CNTNAP5: variants seen among roughly 807,000 people sequenced by gnomAD.
CNTNAP5 encodes contactin-associated protein-like 5.
Under a neutral mutation model 150.2 loss-of-function variants are expected in CNTNAP5, and 72 were observed. The ratio of observed to expected loss-of-function variants is 0.48; its 90% CI spans 0.40 to 0.58. The LOEUF (loss-of-function observed/expected upper bound fraction) is 0.58. Among genes scored for constraint, CNTNAP5 ranks in the 20% least tolerant of loss-of-function variants. CNTNAP5 has a pLI of 0.00. For synonymous variants in CNTNAP5, 672 were observed against 619.8 expected, an observed-to-expected ratio of 1.08 and a Z score of -1.25; for missense variants, 1,636 against 1,626.2, an observed-to-expected ratio of 1.01 and a Z score of -0.10.
intron 10 of CNTNAP5, among the ~76,000 whole-genome samples, chr2:124,534,964 C>G (rs1695195181): frequency 6.6e-6 from 1 of 152,196 alleles, no homozygotes; most frequent in African/African-American, 2.4e-5. Context: ...AAGACAGTCA[C>G]TCTGGTTCAA....
At chr2:124,326,879 A>C (rs979674321) in intron 3 of CNTNAP5, among the ~76,000 whole-genome samples, 1 of 151,530 alleles carries the variant, frequency 6.6e-6, no homozygotes, top group African/African-American at 2.4e-5. Flanking sequence ...TGAGGTGAGG[A>C]GATCACTTGA....
intron 12 of CNTNAP5, among the ~76,000 whole-genome samples, chr2:124,616,138 A>T (rs1280383226): frequency 6.6e-6 from 1 of 152,162 alleles, no homozygotes; most frequent in Non-Finnish European, 1.5e-5. Flanking sequence ...CACTTGCATT[A>T]GTCCCTACCA....
rs547387442 is a variant in CNTNAP5, at chr2:124,213,005, A to AT, written c.83-8694dup. On this transcript the variant is annotated intron_variant, in intron 1 of 23. Coordinates refer to ENST00000682447, the MANE Select transcript of CNTNAP5 (RefSeq NM_001367498.1). ...AGGCGCCTGGCACCACGCCCGGCTAATTTTTTGTATTTTTAGTAGAGACCG... is the reference window on the plus strand; with the variant it reads ...AGGCGCCTGGCACCACGCCCGGCTAATTTTTTTGTATTTTTAGTAGAGACCG... Among the ~76,000 whole-genome samples the AT allele has an allele frequency of 7.9e-5, 12 of 151,656 alleles. No homozygotes were observed. The East Asian group carries it at 2.3e-3, about 30-fold the overall frequency.
At chr2:124,619,907 TCATATATATATATATATA>T (rs1558706994) in intron 12 of CNTNAP5, among the ~76,000 whole-genome samples, 1 of 70,636 alleles carries the variant, frequency 1.4e-5, no homozygotes, top group Non-Finnish European at 2.5e-5. Context: ...ACTGTCTCAT[TCATATATATATATATATA>T]TATATATATA....
chr2:124,690,772 G>A (rs1223582752), intron 13 of CNTNAP5, among the ~76,000 whole-genome samples: 1 of 151,914 alleles, frequency 6.6e-6, no homozygotes, highest in Admixed American at 6.6e-5. Flanking sequence ...TTCTAATATG[G>A]TCTCCTCCTC....
intron 1 of CNTNAP5, among the ~76,000 whole-genome samples, chr2:124,156,439 T>C (rs556838837): frequency 2.2e-4 from 33 of 152,290 alleles, no homozygotes; most frequent in African/African-American, 6.3e-4. Context: ...ATAGCATGAG[T>C]GAATTCCTGT....
chr2:124,552,638 T>C (rs1450743853), intron 10 of CNTNAP5, among the ~76,000 whole-genome samples: 1 of 152,228 alleles, frequency 6.6e-6, no homozygotes, highest in African/African-American at 2.4e-5. Context: ...TATGTATGTG[T>C]GAGTATATCT....
At chr2:124,230,510 GTGTA>G (rs372620879) in intron 2 of CNTNAP5, among the ~76,000 whole-genome samples, 7 of 150,056 alleles carry the variant, frequency 4.7e-5, no homozygotes, top group Admixed American at 2.0e-4. Context: ...GTGTGTGTGT[GTGTA>G]TATATATATA....
chr2:124,859,182 A>T lies in CNTNAP5; in HGVS notation c.3218-6124A>T, dbSNP rs1206204860. Among the ~76,000 whole-genome samples the T allele has an allele frequency of 1.1e-4, 17 of 152,266 alleles. No homozygotes were observed. In the East Asian group the frequency reaches 3.3e-3, roughly 29 times the overall value. ...CATCTGACAAAGGGCTAATATCCAG[A>T]ATCTACAATGAACTCAAACAAATTT... On this transcript the variant is annotated intron_variant, in intron 19 of 23. Transcript: ENST00000682447.
At chr2:124,314,373 G>A (rs1015960523) in intron 3 of CNTNAP5, among the ~76,000 whole-genome samples, 2 of 152,134 alleles carry the variant, frequency 1.3e-5, no homozygotes, top group Non-Finnish European at 2.9e-5. Flanking sequence ...GATTTGCAGC[G>A]ACTCATTTGA....
chr2:124,665,800 G>T (rs963969158), intron 13 of CNTNAP5, among the ~76,000 whole-genome samples: 2 of 151,938 alleles, frequency 1.3e-5, no homozygotes, highest in Admixed American at 6.5e-5. Context: ...GCAGGAGAAT[G>T]GCGGGAACCC....
intron 3 of CNTNAP5, among the ~76,000 whole-genome samples, chr2:124,417,126 G>C (rs1681168336): frequency 6.6e-6 from 1 of 151,640 alleles, no homozygotes; most frequent in Non-Finnish European, 1.5e-5. Context: ...TTTTAGTAGA[G>C]ACAGTGTTTC....
At chr2:124,777,775 ATG>A (rs35863925) in intron 17 of CNTNAP5, among the ~76,000 whole-genome samples, 25,470 of 130,234 alleles carry the variant, frequency 0.2, 2,149 homozygotes, top group Middle Eastern at 0.22. Flanking sequence ...GAATGGAGGG[ATG>A]TGTGTGTGTG....
intron 1 of CNTNAP5, among the ~76,000 whole-genome samples, chr2:124,048,650 A>G (rs12052732): frequency 0.16 from 24,986 of 152,156 alleles, 2,393 homozygotes; most frequent in African/African-American, 0.26. Flanking sequence ...AAGATTAATG[A>G]GTATCTTTTT....
At chr2:124,764,503 A>T (rs886639743) in intron 16 of CNTNAP5, among the ~76,000 whole-genome samples, 1 of 152,152 alleles carries the variant, frequency 6.6e-6, no homozygotes, top group African/African-American at 2.4e-5. Flanking sequence ...CATTCTATTC[A>T]TATTTAGGGT....
At chr2:124,439,371 C>T (rs956718469) in intron 5 of CNTNAP5, among the ~76,000 whole-genome samples, 1 of 152,106 alleles carries the variant, frequency 6.6e-6, no homozygotes, top group African/African-American at 2.4e-5. Flanking sequence ...GGCTGTCAGC[C>T]TGGTAAAATA....
Position 124,200,637 on chromosome 2 carries a change from C to T in CNTNAP5, c.83-21068C>T, listed in dbSNP as rs967518363. ...TATATAAACAGATCTCTAAAACTTA[C>T]TCATATTGTTTCACTGAAAAACTTT... On this transcript the variant is annotated intron_variant, in intron 1 of 23. Coordinates refer to ENST00000682447, the MANE Select transcript of CNTNAP5 (RefSeq NM_001367498.1). Among the ~76,000 whole-genome samples the T allele has an allele frequency of 1.9e-4, 29 of 152,170 alleles. 1 individual carries two copies. Among genetic ancestry groups the T allele is most frequent in the Non-Finnish European group, 1.5e-5 (1 of 68,038 alleles).
At chr2:124,506,212 G>A (rs185391882) in intron 8 of CNTNAP5, among the ~76,000 whole-genome samples, 11 of 145,836 alleles carry the variant, frequency 7.5e-5, no homozygotes, top group African/African-American at 2.5e-4. Flanking sequence ...AAAAAAAGAG[G>A]CAGTTTCTAT....
rs1678772128 is a variant in CNTNAP5, at chr2:124,916,507, GA to G, written c.*2222del. ...CTGAAGCAGCTCCAATAATGAAATA[GA>G]AAGGCAAAGGAAGGTATGAGTAATA... is the stretch of plus-strand genomic sequence containing the variant. On this transcript the variant is annotated 3_prime_UTR_variant, in exon 24 of 24. Coordinates refer to ENST00000682447, the MANE Select transcript of CNTNAP5 (RefSeq NM_001367498.1). Among the ~76,000 whole-genome samples, 1 of 152,078 alleles carries G rather than the reference GA, an allele frequency of 6.6e-6. No individual in the cohort carries two copies. Among genetic ancestry groups the G allele is most frequent in the South Asian group, 2.1e-4 (1 of 4,834 alleles).
Sources: allele counts gnomAD v4.1 joint callset (sites outside exome capture counted in the v4.1 genomes callset), GRCh38; gene constraint gnomAD v4.1.1; transcripts MANE v1.5; gene names NCBI Gene and HGNC (gene_info 2026-07-23, HGNC 2026-07-21).